GRID2: variants seen among roughly 807,000 people sequenced by gnomAD.
GRID2 encodes the protein glutamate receptor ionotropic, delta-2.
GRID2 carries 33 observed loss-of-function variants against 114.8 expected under a neutral mutation model. That is an observed-to-expected ratio of 0.29 (90% confidence interval 0.22 to 0.38). GRID2 has a LOEUF of 0.38. Ranked by LOEUF, GRID2 falls within the 10% of genes least tolerant of loss-of-function variation. The pLI is 1.00. For missense variants in GRID2, 1,184 were observed against 1,257.7 expected, an observed-to-expected ratio of 0.94 and a Z score of 0.89; for synonymous variants, 505 against 449.9, an observed-to-expected ratio of 1.12 and a Z score of -1.55.
At chr4:93,068,617 T>A (rs1728524548) in intron 2 of GRID2, among the ~76,000 whole-genome samples, 1 of 151,964 alleles carries the variant, frequency 6.6e-6, no homozygotes, top group South Asian at 2.1e-4. Flanking sequence ...TCAGAAATGT[T>A]ATTTCTAGAG....
At position 93,730,761 on chromosome 4, in the gene GRID2, A is replaced by C. The variant is rs1730410809; in HGVS notation, c.2361-38449A>C. 2.6e-5 allele frequency among the ~76,000 whole-genome samples: 4 copies of C among 152,228 alleles called. No individual in the cohort carries two copies. In the South Asian group the frequency reaches 8.3e-4, roughly 32 times the overall value. On this transcript the variant is annotated intron_variant, in intron 14 of 15. Transcript: ENST00000282020. ...CTGAGTCAGAGTAGGGACAAATGTC[A>C]AGTTTTTCCCTTTCTTCCCTGTAAG... is the stretch of plus-strand genomic sequence containing the variant.
chr4:92,634,869 G>A (rs1238758555), intron 2 of GRID2, among the ~76,000 whole-genome samples: 1,671 of 133,990 alleles, frequency 0.012, 33 homozygotes, highest in African/African-American at 0.043. Context: ...CAGAGAGAGA[G>A]AGAGAGAGAA....
At chr4:92,668,454 A>G (rs1467455657) in intron 2 of GRID2, among the ~76,000 whole-genome samples, 1 of 151,738 alleles carries the variant, frequency 6.6e-6, no homozygotes, top group African/African-American at 2.4e-5. Flanking sequence ...AGTTCATAAT[A>G]TAGACTCTAA....
chr4:93,158,844 C>A (rs1051803721), intron 4 of GRID2, among the ~76,000 whole-genome samples: 20 of 151,456 alleles, frequency 1.3e-4, no homozygotes, highest in African/African-American at 4.8e-4. Context: ...CAATAAATGA[C>A]TTTATAAGAC....
chr4:92,868,540 A>G (rs1169173995), intron 2 of GRID2, among the ~76,000 whole-genome samples: 2 of 152,330 alleles, frequency 1.3e-5, no homozygotes, highest in South Asian at 4.1e-4. Flanking sequence ...AATAGAAACA[A>G]GTAGGCTATT....
chr4:92,765,711 A>C (rs1347427958), intron 2 of GRID2, among the ~76,000 whole-genome samples: 1 of 152,156 alleles, frequency 6.6e-6, no homozygotes, highest in East Asian at 1.9e-4. Flanking sequence ...TTTAAAGTGC[A>C]TTTTAGTAGT....
chr4:93,113,668 T>C (rs1033023822), intron 4 of GRID2, among the ~76,000 whole-genome samples: 2 of 152,188 alleles, frequency 1.3e-5, no homozygotes, highest in South Asian at 2.1e-4. Flanking sequence ...ACAAGATGCA[T>C]GTAATGGCAG....
At chr4:93,684,419 GT>G (rs1194646381) in intron 14 of GRID2, among the ~76,000 whole-genome samples, 3 of 152,122 alleles carry the variant, frequency 2.0e-5, no homozygotes, top group African/African-American at 7.2e-5. Flanking sequence ...TTTTCTTCAT[GT>G]TGAAAAAGTG....
intron 2 of GRID2, among the ~76,000 whole-genome samples, chr4:92,947,305 TTA>T (rs1291156480): frequency 5.3e-5 from 8 of 152,138 alleles, no homozygotes; most frequent in Middle Eastern, 3.4e-3. Flanking sequence ...TGCCCAATAT[TTA>T]TGAGTTATTA....
In GRID2 at chr4:93,630,441, T is replaced by C. The variant is rs181535920; in HGVS notation, c.2360+4006T>C. ...AGTGTTGACTTCAGAATCTTAACAA[T>C]GCAGAAAGCTAAAAAGATAACCAAA... On this transcript the variant is annotated intron_variant, in intron 14 of 15. Transcript: ENST00000282020. Among the ~76,000 whole-genome samples the C allele has an allele frequency of 6.6e-5, 10 of 152,284 alleles. No individual in the cohort carries two copies. In the East Asian group the frequency reaches 1.7e-3, roughly 26 times the overall value.
intron 2 of GRID2, among the ~76,000 whole-genome samples, chr4:92,971,639 TC>T (rs1467180614): frequency 6.6e-6 from 1 of 152,052 alleles, no homozygotes; most frequent in Non-Finnish European, 1.5e-5. Context: ...TTGAATTTAT[TC>T]CTTCCATTTA....
At chr4:93,004,260 G>C (rs1194487001) in intron 2 of GRID2, among the ~76,000 whole-genome samples, 3 of 151,032 alleles carry the variant, frequency 2.0e-5, no homozygotes, top group Non-Finnish European at 4.4e-5. Context: ...ATGGTCTAAT[G>C]ACCATTATCT....
At chr4:93,034,895 C>T (rs954780121) in intron 2 of GRID2, among the ~76,000 whole-genome samples, 1 of 152,102 alleles carries the variant, frequency 6.6e-6, no homozygotes, top group African/African-American at 2.4e-5. Flanking sequence ...TGGCCCCGTG[C>T]GTGTTCAGCA....
chr4:93,350,218 C>A (rs1033404006), intron 8 of GRID2, among the ~76,000 whole-genome samples: 7 of 152,072 alleles, frequency 4.6e-5, no homozygotes, highest in Admixed American at 3.3e-4. Flanking sequence ...GCATAAAGGA[C>A]AAACTTCTTA....
chr4:93,238,391 T>A lies in GRID2; in HGVS notation c.1146T>A (p.Thr382=). 6.2e-7 allele frequency: 1 copy of A among 1,606,154 alleles called. No homozygotes were observed. The highest frequency in any genetic ancestry group is 8.5e-7 in the Non-Finnish European group (1 of 1,173,490). ...TIKKGGVSGL[T]GELEFGENGG... ...TTTAGGGTGGAGTTAGTGGGTTGAC[T>A]GGAGAGCTAGAATTTGGAGAAAATG... The change falls in exon 8 of 16, where the codon ACT becomes ACA. Residue 382 remains threonine (T), a synonymous_variant. Coordinates refer to ENST00000282020, the MANE Select transcript of GRID2 (RefSeq NM_001510.4).
intron 2 of GRID2, among the ~76,000 whole-genome samples, chr4:93,022,542 C>A (rs904031563): frequency 1.3e-4 from 19 of 151,926 alleles, no homozygotes; most frequent in Admixed American, 5.3e-4. Flanking sequence ...CATTTTTAGT[C>A]AAGAAATTCC....
chr4:93,358,230 T>C (rs1385949065), intron 8 of GRID2, among the ~76,000 whole-genome samples: 1 of 151,912 alleles, frequency 6.6e-6, no homozygotes, highest in African/African-American at 2.4e-5. Flanking sequence ...TTAAATGTTT[T>C]GTTTTTATCA....
At chr4:92,909,937 C>G (rs996199728) in intron 2 of GRID2, among the ~76,000 whole-genome samples, 3 of 152,058 alleles carry the variant, frequency 2.0e-5, no homozygotes, top group Non-Finnish European at 4.4e-5. Flanking sequence ...TAGACACTTA[C>G]TTTACCTAGG....
At chr4:93,110,984 G>A (rs756253111) in intron 4 of GRID2, 31 bp downstream of exon 4, 2 of 1,373,622 alleles carry the variant, frequency 1.5e-6, no homozygotes, top group Non-Finnish European at 2.1e-6. Context: ...GGTGAGAGTT[G>A]TACAAAACAA....
Sources: allele counts gnomAD v4.1 joint callset (sites outside exome capture counted in the v4.1 genomes callset), GRCh38; gene constraint gnomAD v4.1.1; transcripts MANE v1.5; gene names NCBI Gene and HGNC (gene_info 2026-07-23, HGNC 2026-07-21).